SLC1A7: variants seen among roughly 807,000 people sequenced by gnomAD.
SLC1A7 encodes the protein excitatory amino acid transporter 5.
Under a neutral mutation model 47.7 loss-of-function variants are expected in SLC1A7, and 40 were observed. The ratio of observed to expected loss-of-function variants is 0.84; its 90% confidence interval spans 0.65 to 1.09. The LOEUF (loss-of-function observed/expected upper bound fraction) is 1.09. Ranked by LOEUF, SLC1A7 falls within the 50% of genes least tolerant of loss-of-function variation. The pLI is 0.00. For synonymous variants in SLC1A7, 323 were observed against 325.6 expected (o/e 0.99, Z 0.09); for missense variants, 746 against 769.5 (o/e 0.97, Z 0.36).
At chr1:53,120,330 C>T (rs895017652) in intron 2 of SLC1A7, among the ~76,000 whole-genome samples, 2 of 152,138 alleles carry the variant, frequency 1.3e-5, no homozygotes, top group Non-Finnish European at 2.9e-5. Context: ...TTAGAAACCA[C>T]GCCCCCACGA....
At chr1:53,136,667 T>TATATATA (rs1491513212) in intron 1 of SLC1A7, among the ~76,000 whole-genome samples, 8 of 2,766 alleles carry the variant, frequency 2.9e-3, no homozygotes, top group African/African-American at 5.0e-3. Context: ...TATATATATA[T>TATATATA]TTTTTTTTTT....
chr1:53,140,911 G>A (rs1423978248), intron 1 of SLC1A7, among the ~76,000 whole-genome samples: 2 of 152,174 alleles, frequency 1.3e-5, no homozygotes, highest in Non-Finnish European at 2.9e-5. Flanking sequence ...TCGTGGCTCA[G>A]TTCTCCAGGA....
rs527245893 is a variant in SLC1A7 at position 53,097,237 on chromosome 1, G to A, written c.698-3677C>T. Among the ~76,000 whole-genome samples, 12 of 117,816 alleles carry A rather than the reference G, an allele frequency of 1.0e-4. No homozygotes were observed. In the East Asian group the frequency reaches 2.4e-3, roughly 23 times the overall value. The allele number at this position is 117,816 out of a possible 152,430, so 77.3% of individuals were successfully genotyped here. A position where few individuals can be genotyped will look rare whatever the true frequency, so the allele number is the denominator to read the frequency against. The stretch of plus-strand genomic sequence containing the variant: ...TCAGTACACTCACGCACCCTGCCTC[G>A]GTACACTCATTTTTTCTCGGTACAC... On this transcript the variant is annotated intron_variant, in intron 5 of 10. Transcript: ENST00000371494.
At chr1:53,092,970 G>A (rs903779991) in intron 6 of SLC1A7, among the ~76,000 whole-genome samples, 183 bp from the exon 7 acceptor site, 2 of 151,930 alleles carry the variant, frequency 1.3e-5, no homozygotes, top group Non-Finnish European at 2.9e-5. Context: ...TACTTCCACC[G>A]CCCCAGCTCC....
chr1:53,116,617 C>T (rs1644764329), intron 2 of SLC1A7, among the ~76,000 whole-genome samples: 1 of 152,204 alleles, frequency 6.6e-6, no homozygotes, highest in Non-Finnish European at 1.5e-5. Flanking sequence ...CAATCATCAT[C>T]AAAGAGAGAT....
At chr1:53,142,199 G>T in intron 1 of SLC1A7, 116 bp downstream of exon 1, 1 of 1,174,668 alleles carries the variant, frequency 8.5e-7, no homozygotes, top group Non-Finnish European at 1.2e-6. Flanking sequence ...GAGAGGCAGA[G>T]GGATTCACAC....
At chr1:53,098,681 TACC>T (rs900730576) in intron 5 of SLC1A7, among the ~76,000 whole-genome samples, 54 of 144,466 alleles carry the variant, frequency 3.7e-4, no homozygotes, top group African/African-American at 1.4e-3. Context: ...AGTACACTCA[TACC>T]ACCTCAGTAC....
intron 1 of SLC1A7, among the ~76,000 whole-genome samples, chr1:53,139,228 G>C (rs902347014): frequency 2.6e-5 from 4 of 152,216 alleles, no homozygotes; most frequent in Non-Finnish European, 5.9e-5. Flanking sequence ...TGGGATGGTA[G>C]AGGAGTCTCC....
At chr1:53,113,307 C>T (rs898938450) in intron 3 of SLC1A7, among the ~76,000 whole-genome samples, 2 of 152,132 alleles carry the variant, frequency 1.3e-5, no homozygotes, top group African/African-American at 4.8e-5. Flanking sequence ...AGCCCCTCTG[C>T]CACTAGGGTA....
At chr1:53,089,382 A>G (rs776948302) in intron 9 of SLC1A7, among the ~76,000 whole-genome samples, 40 of 152,120 alleles carry the variant, frequency 2.6e-4, no homozygotes, top group Non-Finnish European at 4.7e-4. Context: ...CTCGTGCCTC[A>G]GCCACCTGAA....
intron 3 of SLC1A7, among the ~76,000 whole-genome samples, chr1:53,113,651 T>A (rs920334021): frequency 2.0e-5 from 3 of 152,046 alleles, no homozygotes; most frequent in Admixed American, 2.0e-4. Context: ...CTACCTCCCC[T>A]GCAACTCTGA....
At chr1:53,132,551 A>G (rs1644951986) in intron 2 of SLC1A7, among the ~76,000 whole-genome samples, 1 of 152,220 alleles carries the variant, frequency 6.6e-6, no homozygotes, top group Non-Finnish European at 1.5e-5. Context: ...TGGTGACATT[A>G]AACTTGAAGT....
chr1:53,096,269 TCACA>T (rs74354067), intron 5 of SLC1A7, among the ~76,000 whole-genome samples: 9,380 of 120,954 alleles, frequency 0.078, 657 homozygotes, highest in East Asian at 0.28. Flanking sequence ...ATCTGTACAC[TCACA>T]CACACCGACT....
chr1:53,090,506 G>C (rs1022966852), intron 8 of SLC1A7, 106 bp downstream of exon 8: 37 of 1,430,260 alleles, frequency 2.6e-5, no homozygotes, highest in Non-Finnish European at 2.8e-5. Context: ...GCTGTGCTCC[G>C]AGCCCAGGCT....
chr1:53,107,153 TAAAAAAAA>T (rs11417607), intron 3 of SLC1A7, among the ~76,000 whole-genome samples: 71 of 24,340 alleles, frequency 2.9e-3, no homozygotes, highest in South Asian at 7.8e-3. Flanking sequence ...AGACTCTGAC[TAAAAAAAA>T]AAAAAAAAAA....
At chr1:53,138,978 G>A (rs938181647) in intron 1 of SLC1A7, among the ~76,000 whole-genome samples, 1 of 151,952 alleles carries the variant, frequency 6.6e-6, no homozygotes, top group Non-Finnish European at 1.5e-5. Flanking sequence ...TCTCCTCCCC[G>A]CCTTGTCTCT....
At chr1:53,126,220 A>G (rs1644880145) in intron 2 of SLC1A7, among the ~76,000 whole-genome samples, 1 of 152,126 alleles carries the variant, frequency 6.6e-6, no homozygotes, top group Non-Finnish European at 1.5e-5. Flanking sequence ...GGAGGTGCTC[A>G]CTGTTCAGGA....
chr1:53,134,453 GT>G, intron 1 of SLC1A7, 24 bp from the exon 2 acceptor site: 2 of 1,527,832 alleles, frequency 1.3e-6, no homozygotes, highest in Non-Finnish European at 1.8e-6. Flanking sequence ...AAGAACTGGG[GT>G]TATAGCAAGA....
At chr1:53,132,241 A>T (rs1644948707) in intron 2 of SLC1A7, among the ~76,000 whole-genome samples, 1 of 152,142 alleles carries the variant, frequency 6.6e-6, no homozygotes. Flanking sequence ...TTTTCTCAAG[A>T]TCCTTCTGGC....
Sources: gnomAD v4.1 joint callset for allele counts (sites outside exome capture counted in the v4.1 genomes callset) on GRCh38, gnomAD v4.1.1 for gene constraint, MANE v1.5 for transcripts, NCBI Gene and HGNC (gene_info 2026-07-23, HGNC 2026-07-21) for gene names.